The following PDE1C variants were observed in gnomAD, a reference collection of about 807,000 sequenced individuals.
PDE1C encodes the protein phosphodiesterase 1C.
A neutral mutation model predicts 93.1 loss-of-function variants in PDE1C; 62 were observed. That is an observed-to-expected ratio of 0.67 (90% CI 0.54 to 0.82). The LOEUF is 0.82. Among genes scored for constraint, PDE1C ranks in the 40% least tolerant of loss-of-function variants. The probability of loss-of-function intolerance (pLI) is 0.00; values close to 1 mark genes in which losing one functional copy is unlikely to be tolerated. For synonymous variants in PDE1C, 325 were observed against 310.1 expected, an observed-to-expected ratio of 1.05 and a Z score of -0.50; for missense variants, 742 against 884.6, an observed-to-expected ratio of 0.84 and a Z score of 2.04.
the PDE1C span, among the ~76,000 whole-genome samples, chr7:31,618,341 G>T: frequency 7.6e-6 from 1 of 131,310 alleles, no homozygotes; most frequent in Non-Finnish European, 1.7e-5. Context: ...AATTCACATT[G>T]TTCTTTGGGA....
At chr7:31,984,272 T>C (rs936258650) in intron 2 of PDE1C, among the ~76,000 whole-genome samples, 17 of 152,152 alleles carry the variant, frequency 1.1e-4, no homozygotes, top group African/African-American at 4.1e-4. Context: ...AACCCTACTG[T>C]GAATTGTGCA....
chr7:32,132,767 A>G (rs1203522563), intron 3 of PDE1C, among the ~76,000 whole-genome samples: 1 of 152,200 alleles, frequency 6.6e-6, no homozygotes, highest in Non-Finnish European at 1.5e-5. Context: ...TTCAGTTAGA[A>G]GGATATTTTA....
At chr7:31,854,763 G>A (rs773624425) in intron 7 of PDE1C, among the ~76,000 whole-genome samples, 2 of 152,060 alleles carry the variant, frequency 1.3e-5, no homozygotes, top group South Asian at 2.1e-4. Flanking sequence ...GCTCAGTCTT[G>A]GAGGCTTAAA....
chr7:31,931,453 CAGAG>C (rs1301263559), intron 2 of PDE1C, among the ~76,000 whole-genome samples: 1 of 152,116 alleles, frequency 6.6e-6, no homozygotes, highest in Non-Finnish European at 1.5e-5. Flanking sequence ...AGCAGACAAA[CAGAG>C]AGCCAAATCA....
intron 1 of PDE1C, among the ~76,000 whole-genome samples, chr7:32,394,937 TG>T (rs1393227546): frequency 6.6e-6 from 1 of 152,188 alleles, no homozygotes; most frequent in Non-Finnish European, 1.5e-5. Context: ...CTGTCATGAT[TG>T]GAAGCTTTCT....
chr7:31,827,719 G>C (rs763709785), intron 12 of PDE1C, among the ~76,000 whole-genome samples: 24 of 152,106 alleles, frequency 1.6e-4, no homozygotes, highest in Non-Finnish European at 2.8e-4. Context: ...ATAGGGCACT[G>C]GTGTCCTCTC....
At chr7:31,699,976 G>A in the PDE1C span, among the ~76,000 whole-genome samples, 1 of 151,830 alleles carries the variant, frequency 6.6e-6, no homozygotes, top group Non-Finnish European at 1.5e-5. Context: ...CCTCTCCCCT[G>A]GCTTCCCTAT....
At chr7:31,813,038 A>T (rs1392427717) in intron 15 of PDE1C, among the ~76,000 whole-genome samples, 1 of 152,140 alleles carries the variant, frequency 6.6e-6, no homozygotes. Flanking sequence ...ACATGATTTA[A>T]TGTAGATAGA....
At chr7:32,328,625 C>A (rs1055190520) in intron 1 of PDE1C, among the ~76,000 whole-genome samples, 1 of 152,078 alleles carries the variant, frequency 6.6e-6, no homozygotes, top group African/African-American at 2.4e-5. Flanking sequence ...TGGAACACAA[C>A]CCCATCCTCC....
intron 3 of PDE1C, among the ~76,000 whole-genome samples, chr7:32,079,018 G>C (rs1796510922): frequency 6.6e-6 from 1 of 152,146 alleles, no homozygotes; most frequent in Non-Finnish European, 1.5e-5. Context: ...GAGATGCAAA[G>C]TGGAAGTTTG....
chr7:31,762,848 C>T (rs1023268243), intron 17 of PDE1C, among the ~76,000 whole-genome samples: 3 of 152,106 alleles, frequency 2.0e-5, no homozygotes, highest in Non-Finnish European at 4.4e-5. Context: ...GGAAAGATGA[C>T]CCAACCAGCA....
At position 32,088,869 on chromosome 7, in the gene PDE1C, G is replaced by A. The variant is rs184365879; in HGVS notation, c.308+80916C>T. Among the ~76,000 whole-genome samples the A allele has an allele frequency of 1.2e-4, 18 of 152,298 alleles. No homozygotes were observed. The East Asian group carries it at 2.5e-3, about 21-fold the overall frequency. Reference sequence around the variant, plus strand: ...TTGAAGGGAAGGAACATTTTGGAGCGGGGTGGCACTCTAACTTGCCTCCAA... The same window carrying A: ...TTGAAGGGAAGGAACATTTTGGAGCAGGGTGGCACTCTAACTTGCCTCCAA... On this transcript the variant is annotated intron_variant, in intron 3 of 18. Coordinates refer to the PDE1C transcript ENST00000396193.
intron 1 of PDE1C, among the ~76,000 whole-genome samples, chr7:32,373,420 A>T (rs1263238659): frequency 1.3e-5 from 2 of 152,222 alleles, no homozygotes; most frequent in Non-Finnish European, 2.9e-5. Flanking sequence ...GGCAAATCTA[A>T]GAAGACAGAA....
At chr7:31,712,145 C>G in the PDE1C span, among the ~76,000 whole-genome samples, 1 of 152,224 alleles carries the variant, frequency 6.6e-6, no homozygotes, top group Non-Finnish European at 1.5e-5. Context: ...ATTTGTATAA[C>G]TGATTAGTGT....
intron 7 of PDE1C, among the ~76,000 whole-genome samples, chr7:31,862,763 C>A (rs1794831436): frequency 6.6e-6 from 1 of 152,072 alleles, no homozygotes; most frequent in Non-Finnish European, 1.5e-5. Flanking sequence ...CTATAGTATC[C>A]CATAATAAAG....
intron 7 of PDE1C, among the ~76,000 whole-genome samples, chr7:31,855,069 T>TTAAAA (rs1402723172): frequency 6.2e-4 from 66 of 107,044 alleles, no homozygotes; most frequent in African/African-American, 2.3e-3. Context: ...TCCCTCTGTC[T>TTAAAA]AAAAAAAAAA....
rs1417965267 is a variant in PDE1C at position 32,337,300 on chromosome 7, A to T, written c.310+90522T>A. 2.6e-5 allele frequency among the ~76,000 whole-genome samples: 4 copies of T among 152,188 alleles called. No individual in the cohort carries two copies. The East Asian group carries it at 7.7e-4, about 29-fold the overall frequency. On this transcript the variant is annotated intron_variant, in intron 1 of 1. Coordinates refer to the PDE1C transcript ENST00000672256. ...TTGAACAAGGCAGACACGTACCCTGAAGGTGATAGTGTAGCCAGGAAGATA... is the reference window on the plus strand; with the variant it reads ...TTGAACAAGGCAGACACGTACCCTGTAGGTGATAGTGTAGCCAGGAAGATA...
At chr7:31,856,283 A>C (rs2128813931) in intron 7 of PDE1C, among the ~76,000 whole-genome samples, 1 of 152,342 alleles carries the variant, frequency 6.6e-6, no homozygotes, top group South Asian at 2.1e-4. Context: ...GTAAGCTCAC[A>C]ATGAAAGAAG....
intron 1 of PDE1C, among the ~76,000 whole-genome samples, chr7:32,258,355 C>T (rs10282699): frequency 0.14 from 21,162 of 152,256 alleles, 1,861 homozygotes; most frequent in African/African-American, 0.24. Flanking sequence ...TGAAACTCTG[C>T]ATTGGATCTG....
Sources: gnomAD v4.1 joint callset for allele counts (sites outside exome capture counted in the v4.1 genomes callset) on GRCh38, gnomAD v4.1.1 for gene constraint, MANE v1.5 for transcripts, NCBI Gene and HGNC (gene_info 2026-07-23, HGNC 2026-07-21) for gene names.